The following FAIM2 variants were observed in gnomAD, a reference collection of about 807,000 sequenced individuals.
FAIM2 encodes the protein protein lifeguard 2.
A neutral mutation model predicts 47.4 loss-of-function variants in FAIM2; 27 were observed. That is an observed-to-expected ratio of 0.57 (90% CI 0.42 to 0.78). FAIM2 has a LOEUF of 0.78. Ranked by LOEUF, FAIM2 falls within the 30% of genes least tolerant of loss-of-function variation. The pLI is 0.00. For synonymous variants in FAIM2, 156 were observed against 159.3 expected, an observed-to-expected ratio of 0.98 and a Z score of 0.16; for missense variants, 311 against 389.4, an observed-to-expected ratio of 0.80 and a Z score of 1.69.
At chr12:49,880,748 G>A (rs905924926) in intron 11 of FAIM2, among the ~76,000 whole-genome samples, 16 of 151,866 alleles carry the variant, frequency 1.1e-4, no homozygotes, top group Non-Finnish European at 1.9e-4. Context: ...GTGTGCATGT[G>A]TGTGTGCGCA....
intron 11 of FAIM2, among the ~76,000 whole-genome samples, chr12:49,876,230 T>C (rs765599415): frequency 1.3e-5 from 2 of 152,180 alleles, no homozygotes; most frequent in African/African-American, 4.8e-5. Flanking sequence ...GCTTTACATA[T>C]ATGAATGCAT....
intron 11 of FAIM2, among the ~76,000 whole-genome samples, chr12:49,885,783 A>T (rs1946856778): frequency 6.6e-6 from 1 of 152,114 alleles, no homozygotes; most frequent in Non-Finnish European, 1.5e-5. Flanking sequence ...CCTGGAGGTC[A>T]TTTATTCATT....
chr12:49,879,668 G>A (rs1459018240), intron 11 of FAIM2, among the ~76,000 whole-genome samples: 24 of 139,214 alleles, frequency 1.7e-4, no homozygotes, highest in Non-Finnish European at 4.6e-5. Context: ...GTATATGTGA[G>A]TGTGTGCATG....
chr12:49,878,852 ATGTGTGTGTCTGTGC>A lies in FAIM2; in HGVS notation c.802-8214_802-8200del, dbSNP rs1946771060. Reference sequence around the variant, plus strand: ...TGAGTGTATGTGTGTGCATGTGTGTATGTGTGTGTCTGTGCATGTGAGTGTGTATGCATGTGTATA... The same window carrying A: ...TGAGTGTATGTGTGTGCATGTGTGTAATGTGAGTGTGTATGCATGTGTATA... On this transcript the variant is annotated intron_variant, in intron 11 of 11. Coordinates refer to ENST00000320634, the MANE Select transcript of FAIM2 (RefSeq NM_012306.4). Among the ~76,000 whole-genome samples, 9 of 104,148 alleles carry A rather than the reference ATGTGTGTGTCTGTGC, an allele frequency of 8.6e-5. 1 individual carries two copies. Among genetic ancestry groups the A allele is most frequent in the African/African-American group, 3.0e-4 (7 of 23,318 alleles). 68.3% of individuals were successfully genotyped at this position (104,148 alleles called of 152,430 possible).
chr12:49,900,329 T>C (rs1946973809), intron 2 of FAIM2: 1 of 712,864 alleles, frequency 1.4e-6, no homozygotes, highest in Non-Finnish European at 1.9e-6. Flanking sequence ...GGTGATAAAG[T>C]GGGAGAGGGG....
At chr12:49,884,053 C>A (rs574174628) in intron 11 of FAIM2, among the ~76,000 whole-genome samples, 74 of 152,214 alleles carry the variant, frequency 4.9e-4, no homozygotes, top group Admixed American at 4.4e-3. Flanking sequence ...AAGACCCCAT[C>A]TCTACTAAAA....
rs1380309291 is a variant in FAIM2 at position 49,889,125 on chromosome 12, G to T, written c.729C>A (p.Ile243=). Residue 243 remains isoleucine (I), a synonymous_variant, in exon 10 of 12, where the codon ATC becomes ATA. Coordinates refer to ENST00000320634, the MANE Select transcript of FAIM2 (RefSeq NM_012306.4). The part of the protein sequence containing the change: ...TLFFSGLILA[I]LLPFQYVPWL... ...GACTCACATATTGGAAGGGTAGGAG[G>T]ATGGCCAGGATGAGTCCGCTGAAGA... 1.2e-6 allele frequency: 2 copies of T among 1,610,872 alleles called. No individual in the cohort carries two copies. The highest frequency in any genetic ancestry group is 2.2e-5 in the South Asian group (2 of 90,118).
At position 49,868,949 on chromosome 12, in the gene FAIM2, G is replaced by C. The variant is rs1946682717; in HGVS notation, c.*1555C>G. Reference sequence around the variant, plus strand: ...AGCTGGGAGTAGGAAGGGTGGGGAGGGATGGGGCTGGGAAGGAACAGCACA... The same window carrying C: ...AGCTGGGAGTAGGAAGGGTGGGGAGCGATGGGGCTGGGAAGGAACAGCACA... On this transcript the variant is annotated 3_prime_UTR_variant, in exon 12 of 12. Transcript: ENST00000320634. 1 of 152,308 alleles carries C rather than the reference G, an allele frequency of 6.6e-6. No individual in the cohort carries two copies. Among genetic ancestry groups the C allele is most frequent in the Admixed American group, 6.5e-5 (1 of 15,288 alleles). The allele number at this position is 152,308 out of a possible 1,614,324, so 9.4% of individuals were successfully genotyped here.
intron 2 of FAIM2, among the ~76,000 whole-genome samples, chr12:49,899,631 T>C (rs1358573870): frequency 6.6e-6 from 1 of 152,212 alleles, no homozygotes; most frequent in African/African-American, 2.4e-5. Flanking sequence ...TGCCTATCCT[T>C]TGGGACTCAG....
intron 5 of FAIM2, among the ~76,000 whole-genome samples, chr12:49,893,073 CCT>C (rs141676836): frequency 6.6e-6 from 1 of 151,122 alleles, no homozygotes; most frequent in Non-Finnish European, 1.5e-5. Flanking sequence ...GGTCAGGGCA[CCT>C]CTCTCTCTCT....
intron 11 of FAIM2, among the ~76,000 whole-genome samples, chr12:49,884,225 G>GA (rs760368215): frequency 2.9e-3 from 142 of 49,260 alleles, no homozygotes; most frequent in Middle Eastern, 8.3e-3. Flanking sequence ...CTCCGTCTCA[G>GA]AAAAAAAAAA....
At chr12:49,886,837 C>T (rs1169271104) in intron 11 of FAIM2, among the ~76,000 whole-genome samples, 3 of 152,092 alleles carry the variant, frequency 2.0e-5, no homozygotes, top group Admixed American at 6.6e-5. Context: ...CAATTAAATG[C>T]TATGGAGAGC....
intron 10 of FAIM2, among the ~76,000 whole-genome samples, chr12:49,887,975 A>G (rs1166278255): frequency 2.0e-5 from 3 of 152,046 alleles, no homozygotes; most frequent in African/African-American, 4.8e-5. Context: ...CACAGGCTGG[A>G]ACAGCACCTC....
intron 11 of FAIM2, among the ~76,000 whole-genome samples, chr12:49,877,384 G>A (rs1946743584): frequency 6.6e-6 from 1 of 152,214 alleles, no homozygotes; most frequent in Non-Finnish European, 1.5e-5. Context: ...AGGCCTCAGG[G>A]GAGGCATTGG....
At chr12:49,871,330 A>G (rs892092642) in intron 11 of FAIM2, among the ~76,000 whole-genome samples, 2 of 152,194 alleles carry the variant, frequency 1.3e-5, no homozygotes, top group African/African-American at 4.8e-5. Flanking sequence ...CCTGCTGCTA[A>G]CAGCACCCGG....
chr12:49,880,151 TG>T (rs1402456747), intron 11 of FAIM2, among the ~76,000 whole-genome samples: 2 of 150,354 alleles, frequency 1.3e-5, no homozygotes, highest in Non-Finnish European at 2.9e-5. Flanking sequence ...TGTGAGTGTA[TG>T]TGTGTGCATG....
chr12:49,882,720 T>C (rs948954330), intron 11 of FAIM2, among the ~76,000 whole-genome samples: 11 of 152,116 alleles, frequency 7.2e-5, no homozygotes, highest in African/African-American at 2.7e-4. Flanking sequence ...CTTGCTCTGA[T>C]TGTACCTCCG....
intron 8 of FAIM2, 65 bp from the exon 9 acceptor site, chr12:49,889,633 G>T: frequency 7.4e-7 from 1 of 1,344,802 alleles, no homozygotes; most frequent in Non-Finnish European, 1.1e-6. Flanking sequence ...CACCCTCCTA[G>T]CAGGCCCCTC....
At position 49,867,893 on chromosome 12, in the gene FAIM2, AC is replaced by A. The variant is rs550983476; in HGVS notation, c.*2610del. ...TGCTGCCTACACTGTGGTACCTGCCACCCCCCCTCAGGACCCAGAGTAGGAG... is the reference window on the plus strand; with the variant it reads ...TGCTGCCTACACTGTGGTACCTGCCACCCCCCTCAGGACCCAGAGTAGGAG... On this transcript the variant is annotated 3_prime_UTR_variant, in exon 12 of 12. Transcript: ENST00000320634. 2.2e-3 allele frequency: 328 copies of A among 150,850 alleles called. 2 individuals are homozygous for A. Among genetic ancestry groups the A allele is most frequent in the African/African-American group, 7.5e-3 (307 of 40,932 alleles). 9.3% of individuals were successfully genotyped at this position (150,850 alleles called of 1,614,324 possible).
Sources: allele counts gnomAD v4.1 joint callset (sites outside exome capture counted in the v4.1 genomes callset), GRCh38; gene constraint gnomAD v4.1.1; transcripts MANE v1.5; gene names NCBI Gene and HGNC (gene_info 2026-07-23, HGNC 2026-07-21).